The following LGI2 variants were observed in gnomAD, a reference collection of about 807,000 sequenced individuals.
LGI2 encodes the protein leucine rich repeat LGI family member 2, also known as leucine-rich repeat LGI family member 2.
In LGI2, 30 loss-of-function variants were observed where a neutral mutation model predicts 52.0. The observed-to-expected ratio is 0.58, with a 90% CI of 0.43 to 0.78. The LOEUF (loss-of-function observed/expected upper bound fraction) is 0.78. LGI2 is among the 30% of genes least tolerant of loss of function. The pLI is 0.00. For missense variants in LGI2, 573 were observed against 692.5 expected (o/e 0.83, Z 1.94); for synonymous variants, 270 against 271.8 (o/e 0.99, Z 0.06).
At position 25,003,911 on chromosome 4, in the gene LGI2, G is replaced by C; in HGVS notation, c.1178C>G (p.Ser393Cys). 1 of 1,614,188 alleles carries C rather than the reference G, an allele frequency of 6.2e-7. No homozygotes were observed. The highest frequency in any genetic ancestry group is 8.5e-7 in the Non-Finnish European group (1 of 1,180,034). The change falls in exon 8 of 8, where the codon TCC (serine) becomes TGC (cysteine). Residue 393 changes from serine to cysteine, a missense_variant. Ser to Cys is a moderately radical substitution (Grantham distance 112, BLOSUM62 -1). Transcript: ENST00000382114. ...CCACTGGAGGATGATGGGGACCTGGGAGCGGCTGGACAGGATGAGATGCGA... is the reference window on the plus strand; with the variant it reads ...CCACTGGAGGATGATGGGGACCTGGCAGCGGCTGGACAGGATGAGATGCGA... Reference protein sequence around the residue: ...GKSHLILSSRSQVPIILQWNK... With the variant: ...GKSHLILSSRCQVPIILQWNK...
intron 1 of LGI2, 83 bp from the exon 2 acceptor site, chr4:25,028,661 A>C: frequency 8.7e-7 from 1 of 1,147,606 alleles, no homozygotes; most frequent in Non-Finnish European, 1.3e-6. Flanking sequence ...CTCTGCCTCC[A>C]CCTGTACTTC....
chr4:25,009,531 T>C (rs1725508666), intron 7 of LGI2, among the ~76,000 whole-genome samples: 1 of 152,234 alleles, frequency 6.6e-6, no homozygotes, highest in Admixed American at 6.5e-5. Context: ...TGTGTTTTTT[T>C]AAATACTACA....
At chr4:25,027,335 A>G (rs1726182998) in intron 2 of LGI2, among the ~76,000 whole-genome samples, 1 of 152,008 alleles carries the variant, frequency 6.6e-6, no homozygotes. Context: ...ACGAAAATAA[A>G]AGCCCAGAGA....
chr4:25,012,335 CT>C lies in LGI2; in HGVS notation c.819del (p.Gly274ValfsTer20). On this transcript the variant is annotated frameshift_variant and splice_region_variant, in exon 7 of 8. Transcript: ENST00000382114. LOFTEE classifies it high-confidence loss of function. ...EMNFRSYDNI[T>X]GQSIVGCKAI... The stretch of plus-strand genomic sequence containing the variant: ...ACATCTGATCAAAGCCACAACACAC[CT>C]GTAATGTTGTCATAGCTCCGGAAAT... The C allele has an allele frequency of 2.5e-6, 4 of 1,614,206 alleles. No homozygotes were observed. Among genetic ancestry groups the C allele is most frequent in the Non-Finnish European group, 1.7e-6 (2 of 1,180,018 alleles).
Position 25,024,872 on chromosome 4 carries a change from T to C in LGI2, c.361A>G (p.Ile121Val). Residue 121 changes from isoleucine (I) to valine (V), a missense_variant, in exon 4 of 8, where the codon ATA (isoleucine) becomes GTA (valine). Transcript: ENST00000382114. The part of the protein sequence containing the change: ...LEYLFIEGNK[I>V]ETISRNAFRG... ...AAGGCATTTCTTGAAATGGTTTCTA[T>C]TTTGTTCCCTTCAATGAACCTAAGA... 1.9e-6 allele frequency: 3 copies of C among 1,607,806 alleles called. No homozygotes were observed. Among genetic ancestry groups the C allele is most frequent in the Non-Finnish European group, 1.7e-6 (2 of 1,177,682 alleles).
intron 4 of LGI2, 46 bp from the exon 5 acceptor site, chr4:25,019,284 C>G (rs998616267): frequency 7.9e-7 from 1 of 1,262,804 alleles, no homozygotes; most frequent in Admixed American, 1.8e-5. Context: ...ATCTCATGCC[C>G]TGTCACTCTC....
In LGI2 at chr4:25,000,248, G is replaced by A. The variant is rs1264145219; in HGVS notation, c.*3203C>T. The A allele has an allele frequency of 6.3e-6, 1 of 157,948 alleles. No homozygotes were observed. Among genetic ancestry groups the A allele is most frequent in the African/African-American group, 2.4e-5 (1 of 41,526 alleles). The allele number at this position is 157,948 out of a possible 1,614,324, so 9.8% of individuals were successfully genotyped here. On this transcript the variant is annotated 3_prime_UTR_variant, in exon 8 of 8. Transcript: ENST00000382114. ...GAAATGAAAGTCTTTCTCTGGGAGA[G>A]TATAGCAGGGTGTCTTAGAAAGAAA...
chr4:25,021,724 G>T (rs1055182283), intron 4 of LGI2, among the ~76,000 whole-genome samples: 2 of 152,100 alleles, frequency 1.3e-5, no homozygotes, highest in Non-Finnish European at 2.9e-5. Context: ...GAGGTCAGGA[G>T]ATTGAGACCA....
rs776637398 is a variant in LGI2 at position 25,012,490 on chromosome 4, A to G, written c.665T>C (p.Val222Ala). 1 of 1,613,688 alleles carries G rather than the reference A, an allele frequency of 6.2e-7. No homozygotes were observed. Among genetic ancestry groups the G allele is most frequent in the Admixed American group, 1.7e-5 (1 of 59,972 alleles). The change falls in exon 7 of 8, where the codon GTT (valine) becomes GCT (alanine). Residue 222 changes from valine (V) to alanine (A), a missense_variant. Transcript: ENST00000382114. ...CGACTGGTAGGGTAAAGTCTGATGA[A>G]CAACAAAATCTGGGGATGGGTGTTT... ...DYECTTTDFV[V>A]HQTLPYQSVS...
At chr4:25,021,051 C>T (rs1467598043) in intron 4 of LGI2, among the ~76,000 whole-genome samples, 1 of 149,992 alleles carries the variant, frequency 6.7e-6, no homozygotes, top group Non-Finnish European at 1.5e-5. Flanking sequence ...CTAAAAACTT[C>T]AGCTAATTGA....
chr4:25,028,724 G>C (rs545973738), intron 1 of LGI2, 146 bp from the exon 2 acceptor site: 8 of 669,928 alleles, frequency 1.2e-5, no homozygotes, highest in Non-Finnish European at 1.8e-5. Flanking sequence ...GATCTTCCCC[G>C]GGGTAGGAAT....
the LGI2 span, among the ~76,000 whole-genome samples, chr4:24,993,073 T>G: frequency 6.6e-6 from 1 of 152,134 alleles, no homozygotes; most frequent in African/African-American, 2.4e-5. Context: ...GTTGATTCAT[T>G]TGTAAAATGG....
chr4:24,995,013 A>T (rs1338642743), downstream of LGI2, among the ~76,000 whole-genome samples: 2 of 152,246 alleles, frequency 1.3e-5, no homozygotes, highest in Non-Finnish European at 1.5e-5. Flanking sequence ...CTCTGCTGAA[A>T]TGCCTTCAAG....
intron 4 of LGI2, among the ~76,000 whole-genome samples, chr4:25,020,372 G>A (rs1420551098): frequency 2.0e-5 from 3 of 152,294 alleles, no homozygotes; most frequent in East Asian, 3.9e-4. Context: ...GCAGTGCCCT[G>A]TCATCATCCT....
At chr4:25,017,599 G>T (rs1725816629) in intron 6 of LGI2, among the ~76,000 whole-genome samples, 1 of 134,706 alleles carries the variant, frequency 7.4e-6, no homozygotes, top group Non-Finnish European at 1.6e-5. Context: ...AATGTCCAAT[G>T]AACATCTTCC....
At position 25,003,617 on chromosome 4, in the gene LGI2, T is replaced by C; in HGVS notation, c.1472A>G (p.Gln491Arg). Residue 491 changes from glutamine (Q) to arginine (R), a missense_variant, in exon 8 of 8, where the codon CAG (glutamine) becomes CGG (arginine). Gln to Arg is a conservative substitution (Grantham distance 43). Coordinates refer to ENST00000382114, the MANE Select transcript of LGI2 (RefSeq NM_018176.4). ...GSDYTFSQIY[Q>R]WDKEKQLFKK... is the part of the protein sequence containing the mutation. Reference sequence around the variant, plus strand: ...GAATAGCTGCTTCTCTTTATCCCACTGGTATATCTGAGAGAATGTATAGTC... The same window carrying C: ...GAATAGCTGCTTCTCTTTATCCCACCGGTATATCTGAGAGAATGTATAGTC... The C allele has an allele frequency of 2.5e-6, 4 of 1,614,188 alleles. No homozygotes were observed. The Admixed American group carries it at 5.0e-5, about 20-fold the overall frequency.
intron 3 of LGI2, among the ~76,000 whole-genome samples, chr4:25,025,364 C>T (rs770666426): frequency 6.6e-6 from 1 of 152,132 alleles, no homozygotes. Flanking sequence ...GGGGAGAGTT[C>T]TATCAAGCTT....
intron 7 of LGI2, among the ~76,000 whole-genome samples, chr4:25,009,358 C>T (rs1216182181): frequency 6.6e-6 from 1 of 152,166 alleles, no homozygotes; most frequent in African/African-American, 2.4e-5. Context: ...CCCCCCTCTC[C>T]ATGCGAACCA....
chr4:25,018,475 A>C (rs956107284), intron 5 of LGI2, among the ~76,000 whole-genome samples: 4 of 152,236 alleles, frequency 2.6e-5, no homozygotes, highest in African/African-American at 9.6e-5. Flanking sequence ...ATGATAGAAG[A>C]GCAGCCCCCA....
Sources: gnomAD v4.1 joint callset for allele counts (sites outside exome capture counted in the v4.1 genomes callset) on GRCh38, gnomAD v4.1.1 for gene constraint, MANE v1.5 for transcripts, NCBI Gene and HGNC (gene_info 2026-07-23, HGNC 2026-07-21) for gene names.